Variants in NUP88 observed in about 807,000 individuals in gnomAD.
NUP88 encodes nuclear pore complex protein Nup88.
A neutral mutation model predicts 93.9 loss-of-function variants in NUP88; 57 were observed. That is an observed-to-expected ratio of 0.61 (90% confidence interval 0.49 to 0.76). NUP88 has a LOEUF of 0.76. Ranked by LOEUF, NUP88 falls within the 30% of genes least tolerant of loss-of-function variation. The pLI, the probability that NUP88 is intolerant of heterozygous loss-of-function variation, is 0.00. For missense variants in NUP88, 911 were observed against 901.0 expected (o/e 1.01, Z -0.14); for synonymous variants, 346 against 336.8 (o/e 1.03, Z -0.30).
chr17:5,404,691 C>T (rs1913389232), intron 6 of NUP88, among the ~76,000 whole-genome samples: 1 of 151,946 alleles, frequency 6.6e-6, no homozygotes, highest in Non-Finnish European at 1.5e-5. Context: ...ATTCTTAATT[C>T]CACCTCTATC....
intron 8 of NUP88, 33 bp from the exon 9 acceptor site, chr17:5,395,014 T>A: frequency 7.7e-7 from 1 of 1,291,508 alleles, no homozygotes; most frequent in Non-Finnish European, 1.1e-6. Context: ...AATGAAATGA[T>A]GCTTAGACAA....
chr17:5,396,506 C>G (rs985740009), intron 8 of NUP88, among the ~76,000 whole-genome samples: 1 of 152,206 alleles, frequency 6.6e-6, no homozygotes, highest in South Asian at 2.1e-4. Flanking sequence ...GTTGTATAGA[C>G]ACACCACATT....
At chr17:5,410,067 A>G (rs75101633) in intron 4 of NUP88, among the ~76,000 whole-genome samples, 238 of 152,334 alleles carry the variant, frequency 1.6e-3, no homozygotes, top group African/African-American at 5.4e-3. Flanking sequence ...GGGTATGGAG[A>G]GCAGGGAAGT....
chr17:5,408,641 C>G, intron 5 of NUP88, 92 bp downstream of exon 5: 1 of 963,918 alleles, frequency 1.0e-6, no homozygotes, highest in Non-Finnish European at 1.5e-6. Context: ...TTTCCACAGA[C>G]TCAAAAACAT....
At position 5,401,628 on chromosome 17, in the gene NUP88, T is replaced by C. The variant is rs1015774718; in HGVS notation, c.1193-1978A>G. The stretch of plus-strand genomic sequence containing the variant: ...CATCTTAGAAAACAGCATTCTGCTA[T>C]AAAAAGTTTAAAAAACCCTCATCTA... On this transcript the variant is annotated intron_variant, in intron 7 of 16. Coordinates refer to ENST00000573584, the MANE Select transcript of NUP88 (RefSeq NM_002532.6). Among the ~76,000 whole-genome samples the C allele has an allele frequency of 2.6e-5, 4 of 152,226 alleles. 1 individual carries two copies. In the East Asian group the frequency reaches 5.8e-4, roughly 22 times the overall value.
chr17:5,415,626 G>A (rs1284123020), intron 2 of NUP88, among the ~76,000 whole-genome samples: 3 of 152,116 alleles, frequency 2.0e-5, no homozygotes, highest in African/African-American at 4.8e-5. Flanking sequence ...AACATAAACT[G>A]AGGAGCTCCT....
At chr17:5,393,577 C>T (rs1437579072) in intron 9 of NUP88, among the ~76,000 whole-genome samples, 1 of 151,710 alleles carries the variant, frequency 6.6e-6, no homozygotes, top group East Asian at 1.9e-4. Flanking sequence ...GCTGGGATTG[C>T]AGGTGTCTGC....
In NUP88 at chr17:5,397,392, G is replaced by A. The variant is rs192503660; in HGVS notation, c.1291+2160C>T. ...AGGGACATTACCTTGGATTATCCGG[G>A]CAGACTTAATGTTACCACAAGTTTC... On this transcript the variant is annotated intron_variant, in intron 8 of 16. Coordinates refer to ENST00000573584, the MANE Select transcript of NUP88 (RefSeq NM_002532.6). Among the ~76,000 whole-genome samples, 3 of 151,944 alleles carry A rather than the reference G, an allele frequency of 2.0e-5. No individual in the cohort carries two copies. In the East Asian group the frequency reaches 5.8e-4, roughly 29 times the overall value.
intron 8 of NUP88, among the ~76,000 whole-genome samples, chr17:5,398,808 G>T (rs1287661968): frequency 6.7e-6 from 1 of 149,100 alleles, no homozygotes; most frequent in African/African-American, 2.5e-5. Flanking sequence ...GGCCAGGATG[G>T]TCTCAATCTC....
intron 9 of NUP88, among the ~76,000 whole-genome samples, chr17:5,394,103 T>C (rs1035311142): frequency 6.6e-6 from 1 of 152,068 alleles, no homozygotes; most frequent in African/African-American, 2.4e-5. Context: ...AGGAGCCCAG[T>C]AGGCAGCTGG....
At chr17:5,419,333 C>T in intron 1 of NUP88, 21 bp downstream of exon 1, 1 of 1,538,076 alleles carries the variant, frequency 6.5e-7, no homozygotes, top group Admixed American at 2.2e-5. Flanking sequence ...AGGGTCACTT[C>T]CAAGATCGGC....
intron 9 of NUP88, 135 bp downstream of exon 9, chr17:5,394,756 G>C: frequency 3.1e-6 from 2 of 642,094 alleles, no homozygotes; most frequent in Non-Finnish European, 5.6e-6. Context: ...ACTCTTAGGG[G>C]AGAAGTATCA....
intron 3 of NUP88, among the ~76,000 whole-genome samples, chr17:5,412,001 G>A (rs1344605065): frequency 6.6e-6 from 1 of 152,172 alleles, no homozygotes; most frequent in African/African-American, 2.4e-5. Flanking sequence ...GAAAGAAAAA[G>A]AAGGTGCAAC....
chr17:5,411,335 G>A (rs992455383), intron 3 of NUP88, among the ~76,000 whole-genome samples: 4 of 152,236 alleles, frequency 2.6e-5, no homozygotes, highest in South Asian at 2.1e-4. Flanking sequence ...AGGCCGAGGT[G>A]AGCAGATCAC....
At chr17:5,399,190 CTTTTT>C (rs536801907) in intron 8 of NUP88, among the ~76,000 whole-genome samples, 3 of 123,470 alleles carry the variant, frequency 2.4e-5, no homozygotes, top group East Asian at 2.4e-4. Flanking sequence ...CGCACCCGGC[CTTTTT>C]TTTTTTTTTT....
At chr17:5,406,917 T>C (rs1331624082) in intron 5 of NUP88, among the ~76,000 whole-genome samples, 1 of 152,070 alleles carries the variant, frequency 6.6e-6, no homozygotes, top group African/African-American at 2.4e-5. Flanking sequence ...AAAATTTAAA[T>C]CACAAAATCA....
intron 15 of NUP88, 25 bp downstream of exon 15, chr17:5,386,959 T>G: frequency 6.2e-7 from 1 of 1,605,168 alleles, no homozygotes; most frequent in Non-Finnish European, 8.5e-7. Flanking sequence ...ATTACCAAAT[T>G]TAGCTAGTTT....
intron 7 of NUP88, among the ~76,000 whole-genome samples, chr17:5,401,100 T>C (rs958829188): frequency 2.6e-5 from 4 of 151,990 alleles, no homozygotes; most frequent in Non-Finnish European, 4.4e-5. Flanking sequence ...AATAATCTTA[T>C]TGGCCGGGTG....
At position 5,388,829 on chromosome 17, in the gene NUP88, C is replaced by G; in HGVS notation, c.1616G>C (p.Arg539Pro). 6.2e-7 allele frequency: 1 copy of G among 1,613,886 alleles called. No homozygotes were observed. Among genetic ancestry groups the G allele is most frequent in the South Asian group, 1.1e-5 (1 of 91,028 alleles). ...FEKHIRSILQ[R>P]SVANPAFLKA... ...CAAAAATGCTGGATTGGCAACACTA[C>G]GTTGCAAAATGCTTCTAATATGCTT... Residue 539 changes from arginine to proline, a missense_variant, in exon 11 of 17, where the codon CGT becomes CCT. Coordinates refer to ENST00000573584, the MANE Select transcript of NUP88 (RefSeq NM_002532.6).
Sources: gnomAD v4.1 joint callset for allele counts (sites outside exome capture counted in the v4.1 genomes callset) on GRCh38, gnomAD v4.1.1 for gene constraint, MANE v1.5 for transcripts, NCBI Gene and HGNC (gene_info 2026-07-23, HGNC 2026-07-21) for gene names.